XYLT1: variants seen among roughly 807,000 people sequenced by gnomAD.
The protein encoded by XYLT1 is xylosyltransferase 1, also known as beta-D-xylosyltransferase 1.
Under a neutral mutation model 91.3 loss-of-function variants are expected in XYLT1, and 36 were observed. The ratio of observed to expected loss-of-function variants is 0.39; its 90% confidence interval spans 0.30 to 0.52. XYLT1 has a LOEUF of 0.52. Among genes scored for constraint, XYLT1 ranks in the 20% least tolerant of loss-of-function variants. The pLI, the probability that XYLT1 is intolerant of heterozygous loss-of-function variation, is 0.68. For missense variants in XYLT1, 1,242 were observed against 1,284.5 expected (o/e 0.97, Z 0.51); for synonymous variants, 588 against 532.0 (o/e 1.11, Z -1.45).
At chr16:17,448,710 GAGGAGGAAGAGGGGGA>G (rs2036625807) in intron 1 of XYLT1, among the ~76,000 whole-genome samples, 1 of 79,496 alleles carries the variant, frequency 1.3e-5, no homozygotes, top group Admixed American at 1.1e-4. Context: ...GAAGAGGGGG[GAGGAGGAAGAGGGGGA>G]AGGGGAGGAG....
intron 11 of XYLT1, among the ~76,000 whole-genome samples, chr16:17,116,266 T>C (rs192963381): frequency 1.4e-4 from 22 of 152,276 alleles, no homozygotes; most frequent in Non-Finnish European, 2.4e-4. Flanking sequence ...TCAGGCAGGA[T>C]AGGAACTGAC....
At chr16:17,451,236 T>C (rs943203863) in intron 1 of XYLT1, among the ~76,000 whole-genome samples, 2 of 152,188 alleles carry the variant, frequency 1.3e-5, no homozygotes, top group African/African-American at 4.8e-5. Context: ...CAGAAAACAG[T>C]TGATGGTGGC....
At chr16:17,443,251 T>C (rs1421542161) in intron 1 of XYLT1, among the ~76,000 whole-genome samples, 2 of 152,144 alleles carry the variant, frequency 1.3e-5, no homozygotes, top group Non-Finnish European at 2.9e-5. Context: ...AGTATGTATA[T>C]ATAGTATGAT....
At chr16:17,184,520 T>C (rs1212421056) in intron 5 of XYLT1, among the ~76,000 whole-genome samples, 1 of 142,776 alleles carries the variant, frequency 7.0e-6, no homozygotes, top group Non-Finnish European at 1.5e-5. Flanking sequence ...CGATGTAAGG[T>C]TCATGAGCGC....
At chr16:17,287,667 T>C (rs1664762321) in intron 2 of XYLT1, among the ~76,000 whole-genome samples, 1 of 152,178 alleles carries the variant, frequency 6.6e-6, no homozygotes, top group South Asian at 2.1e-4. Context: ...CACTTTGCAT[T>C]AAGGGCCCAC....
At chr16:17,350,479 G>C (rs1294430698) in intron 2 of XYLT1, among the ~76,000 whole-genome samples, 1 of 152,236 alleles carries the variant, frequency 6.6e-6, no homozygotes, top group Non-Finnish European at 1.5e-5. Context: ...TCTCTGCCCA[G>C]GCAGTGGTCT....
At chr16:17,438,697 G>C (rs1461157102) in intron 1 of XYLT1, among the ~76,000 whole-genome samples, 1 of 152,076 alleles carries the variant, frequency 6.6e-6, no homozygotes, top group East Asian at 1.9e-4. Flanking sequence ...TACAATCATG[G>C]CAGAAGGTGA....
chr16:17,464,435 T>C (rs1304520198), intron 1 of XYLT1, among the ~76,000 whole-genome samples: 1 of 144,008 alleles, frequency 6.9e-6, no homozygotes, highest in Non-Finnish European at 1.5e-5. Context: ...GAGGTAGCAG[T>C]GAGTCAAGAT....
chr16:17,290,935 T>C (rs1057171295), intron 2 of XYLT1, among the ~76,000 whole-genome samples: 14 of 152,186 alleles, frequency 9.2e-5, no homozygotes, highest in African/African-American at 3.1e-4. Flanking sequence ...AATTGTCTTA[T>C]TTTATTCATT....
chr16:17,195,570 C>G (rs930157185), intron 5 of XYLT1, among the ~76,000 whole-genome samples: 2 of 152,078 alleles, frequency 1.3e-5, no homozygotes, highest in African/African-American at 4.8e-5. Context: ...CTCAGCCTCC[C>G]AAGTAGGGGG....
At position 17,295,168 on chromosome 16, in the gene XYLT1, G is replaced by A. The variant is rs368025284; in HGVS notation, c.403-35670C>T. Among the ~76,000 whole-genome samples the A allele has an allele frequency of 2.0e-4, 30 of 152,204 alleles. No homozygotes were observed. The East Asian group carries it at 3.3e-3, about 17-fold the overall frequency. ...TTGGCTAACTGGGAAAAAGCATTTCGGGGACAGGGAAACTGCTGTGCAAAG... is the reference window on the plus strand; with the variant it reads ...TTGGCTAACTGGGAAAAAGCATTTCAGGGACAGGGAAACTGCTGTGCAAAG... On this transcript the variant is annotated intron_variant, in intron 2 of 11. Coordinates refer to ENST00000261381, the MANE Select transcript of XYLT1 (RefSeq NM_022166.4).
At chr16:17,428,702 C>T (rs1027853778) in intron 1 of XYLT1, among the ~76,000 whole-genome samples, 3 of 152,156 alleles carry the variant, frequency 2.0e-5, no homozygotes, top group Admixed American at 2.0e-4. Context: ...CCAGGGGTTT[C>T]GGGAAGCTTT....
chr16:17,205,516 C>G (rs2032626640), intron 3 of XYLT1, among the ~76,000 whole-genome samples: 1 of 152,224 alleles, frequency 6.6e-6, no homozygotes, highest in Admixed American at 6.5e-5. Flanking sequence ...TGTATAATCA[C>G]AGAATCCACC....
At chr16:17,358,900 A>G (rs1293102736) in intron 1 of XYLT1, among the ~76,000 whole-genome samples, 2 of 152,120 alleles carry the variant, frequency 1.3e-5, no homozygotes, top group Non-Finnish European at 2.9e-5. Context: ...GTCTTTTTTT[A>G]GGATAGAGAA....
At chr16:17,211,634 G>A (rs1290826144) in intron 3 of XYLT1, among the ~76,000 whole-genome samples, 1 of 152,150 alleles carries the variant, frequency 6.6e-6, no homozygotes, top group African/African-American at 2.4e-5. Context: ...ACTTGCCCAA[G>A]GTCACAGAGC....
At chr16:17,327,075 C>T (rs2034815571) in intron 2 of XYLT1, among the ~76,000 whole-genome samples, 1 of 152,144 alleles carries the variant, frequency 6.6e-6, no homozygotes, top group African/African-American at 2.4e-5. Flanking sequence ...TTCTGAGGAG[C>T]TAATGGACAG....
chr16:17,370,357 TG>T (rs1311930432), intron 1 of XYLT1, among the ~76,000 whole-genome samples: 4 of 152,226 alleles, frequency 2.6e-5, no homozygotes, highest in African/African-American at 9.6e-5. Flanking sequence ...CTACGCCTTC[TG>T]CAGTGGGGCG....
At chr16:17,395,876 T>C (rs563639746) in intron 1 of XYLT1, among the ~76,000 whole-genome samples, 5 of 152,310 alleles carry the variant, frequency 3.3e-5, no homozygotes, top group East Asian at 1.9e-4. Flanking sequence ...CATCTGTTGG[T>C]TGGTGAACAG....
chr16:17,408,180 T>A (rs764896860), intron 1 of XYLT1, among the ~76,000 whole-genome samples: 5 of 152,214 alleles, frequency 3.3e-5, no homozygotes, highest in Non-Finnish European at 5.9e-5. Flanking sequence ...AGAGCCTCAA[T>A]CACCTGCCCT....
Sources: allele counts gnomAD v4.1 joint callset (sites outside exome capture counted in the v4.1 genomes callset), GRCh38; gene constraint gnomAD v4.1.1; transcripts MANE v1.5; gene names NCBI Gene and HGNC (gene_info 2026-07-23, HGNC 2026-07-21).